The following PDE4D variants were observed in gnomAD, a reference collection of about 807,000 sequenced individuals.
The protein encoded by PDE4D is phosphodiesterase 4D, also known as 3',5'-cyclic-AMP phosphodiesterase 4D.
In PDE4D, 24 loss-of-function variants were observed where a neutral mutation model predicts 87.4. The ratio of observed to expected loss-of-function variants is 0.27; its 90% CI spans 0.20 to 0.39. PDE4D has a LOEUF of 0.39. PDE4D is among the 10% of genes least tolerant of loss of function. The pLI, the probability that PDE4D is intolerant of heterozygous loss-of-function variation, is 1.00. For synonymous variants in PDE4D, 384 were observed against 383.2 expected, an observed-to-expected ratio of 1.00 and a Z score of -0.02; for missense variants, 714 against 1,041.0, an observed-to-expected ratio of 0.69 and a Z score of 4.32.
intron 1 of PDE4D, among the ~76,000 whole-genome samples, chr5:59,277,007 G>A (rs1019630639): frequency 7.2e-5 from 11 of 152,062 alleles, no homozygotes; most frequent in African/African-American, 2.7e-4. Flanking sequence ...TTTTGGATGT[G>A]AATTACCAAG....
chr5:59,997,918 A>T (rs1763659923), intron 2 of PDE4D, among the ~76,000 whole-genome samples: 1 of 152,340 alleles, frequency 6.6e-6, no homozygotes, highest in East Asian at 1.9e-4. Context: ...TAGTTTGTCC[A>T]TAGTGACACT....
chr5:59,762,428 G>A (rs1762169348), intron 1 of PDE4D, among the ~76,000 whole-genome samples: 1 of 131,674 alleles, frequency 7.6e-6, no homozygotes, highest in Non-Finnish European at 1.6e-5. Flanking sequence ...GTACACATGT[G>A]TATATGTGTA....
intron 1 of PDE4D, among the ~76,000 whole-genome samples, chr5:59,513,992 G>T (rs965333784): frequency 6.6e-6 from 1 of 152,106 alleles, no homozygotes; most frequent in Non-Finnish European, 1.5e-5. Context: ...AGTGAATTAT[G>T]CTAAATCACT....
intron 1 of PDE4D, among the ~76,000 whole-genome samples, chr5:60,356,683 G>A (rs76733154): frequency 0.095 from 14,512 of 152,008 alleles, 787 homozygotes; most frequent in African/African-American, 0.14. Flanking sequence ...ATTTACTATT[G>A]GAAAAATAGT....
At chr5:59,755,561 T>C (rs1761098478) in intron 1 of PDE4D, among the ~76,000 whole-genome samples, 2 of 152,130 alleles carry the variant, frequency 1.3e-5, no homozygotes, top group African/African-American at 4.8e-5. Context: ...CCTGGTTCTA[T>C]TCAGAGGAGA....
intron 1 of PDE4D, among the ~76,000 whole-genome samples, chr5:60,234,602 A>T (rs1746209520): frequency 6.6e-6 from 1 of 151,838 alleles, no homozygotes; most frequent in Non-Finnish European, 1.5e-5. Flanking sequence ...TCTGGAAGGA[A>T]CTTGTGAAGG....
intron 5 of PDE4D, among the ~76,000 whole-genome samples, chr5:59,164,665 A>T (rs1334616291): frequency 2.0e-5 from 3 of 152,282 alleles, no homozygotes; most frequent in Non-Finnish European, 2.9e-5. Flanking sequence ...TTTTAAAAAA[A>T]TGATTTAATA....
At chr5:60,237,539 T>G (rs955532595) in intron 1 of PDE4D, among the ~76,000 whole-genome samples, 1 of 152,050 alleles carries the variant, frequency 6.6e-6, no homozygotes, top group Non-Finnish European at 1.5e-5. Context: ...TATGGTTTAA[T>G]TTATATAACA....
intron 3 of PDE4D, among the ~76,000 whole-genome samples, chr5:59,955,679 T>C (rs1758752828): frequency 6.6e-6 from 1 of 152,186 alleles, no homozygotes. Context: ...TTGCCTCTTG[T>C]AGCAGGAGGG....
intron 1 of PDE4D, among the ~76,000 whole-genome samples, chr5:59,874,383 T>C (rs749611351): frequency 1.4e-4 from 21 of 152,170 alleles, no homozygotes; most frequent in Admixed American, 4.6e-4. Flanking sequence ...AACTGAAATA[T>C]GAATACTGGA....
chr5:59,944,985 C>T (rs1033659988), intron 3 of PDE4D, among the ~76,000 whole-genome samples: 3 of 152,106 alleles, frequency 2.0e-5, no homozygotes, highest in Non-Finnish European at 2.9e-5. Context: ...CTGGACTATA[C>T]AGTTATTTTT....
chr5:59,155,800 C>T (rs545420359), intron 5 of PDE4D, among the ~76,000 whole-genome samples: 19 of 152,098 alleles, frequency 1.2e-4, no homozygotes, highest in Admixed American at 3.3e-4. Flanking sequence ...AAACGTCATC[C>T]GCTGAGACCA....
intron 2 of PDE4D, among the ~76,000 whole-genome samples, chr5:59,207,554 A>C (rs1178251370): frequency 6.6e-6 from 1 of 152,052 alleles, no homozygotes; most frequent in Non-Finnish European, 1.5e-5. Flanking sequence ...GCTCTTAGAG[A>C]TTGCATTCTT....
At position 59,441,595 on chromosome 5, in the gene PDE4D, A is replaced by T. The variant is rs577483054; in HGVS notation, c.456-225627T>A. ...CTCTTAACCTGTGGTATCTGAAATG[A>T]ATCCCACACCCCAGGTGTGATATGA... On this transcript the variant is annotated intron_variant, in intron 1 of 14. Coordinates refer to ENST00000340635, the MANE Select transcript of PDE4D (RefSeq NM_001104631.2). 2.0e-5 allele frequency among the ~76,000 whole-genome samples: 3 copies of T among 152,266 alleles called. No homozygotes were observed. In the South Asian group the frequency reaches 6.2e-4, roughly 32 times the overall value.
chr5:60,452,850 A>T (rs898969659), intron 1 of PDE4D, among the ~76,000 whole-genome samples: 2 of 152,100 alleles, frequency 1.3e-5, no homozygotes, highest in Non-Finnish European at 2.9e-5. Flanking sequence ...GTTTTCATTC[A>T]ACTATACACA....
intron 2 of PDE4D, among the ~76,000 whole-genome samples, chr5:59,206,740 C>G (rs190475994): frequency 6.6e-6 from 1 of 152,108 alleles, no homozygotes; most frequent in South Asian, 2.1e-4. Context: ...ATTTTCCAAA[C>G]GAGTAAAACA....
At chr5:60,334,274 C>T (rs542107206) in intron 1 of PDE4D, among the ~76,000 whole-genome samples, 1 of 152,206 alleles carries the variant, frequency 6.6e-6, no homozygotes, top group Admixed American at 6.5e-5. Flanking sequence ...TACTAGTGCC[C>T]TACTGATAAC....
At chr5:59,590,424 A>G (rs1398765517) in intron 1 of PDE4D, among the ~76,000 whole-genome samples, 1 of 152,190 alleles carries the variant, frequency 6.6e-6, no homozygotes, top group East Asian at 1.9e-4. Context: ...TCATGCCTGT[A>G]GTCCTAGCTA....
At chr5:59,818,944 G>T (rs1769321510) in intron 1 of PDE4D, among the ~76,000 whole-genome samples, 1 of 152,178 alleles carries the variant, frequency 6.6e-6, no homozygotes, top group Middle Eastern at 3.4e-3. Context: ...AAATAGGGGG[G>T]GAATTTTAAG....
Sources: gnomAD v4.1 joint callset for allele counts (sites outside exome capture counted in the v4.1 genomes callset) on GRCh38, gnomAD v4.1.1 for gene constraint, MANE v1.5 for transcripts, NCBI Gene and HGNC (gene_info 2026-07-23, HGNC 2026-07-21) for gene names.